Variants in TOX observed in about 807,000 individuals in gnomAD.
TOX encodes the protein thymocyte selection-associated high mobility group box protein TOX.
Under a neutral mutation model 53.7 loss-of-function variants are expected in TOX, and 11 were observed. The ratio of observed to expected loss-of-function variants is 0.20; its 90% confidence interval spans 0.13 to 0.34. The LOEUF (loss-of-function observed/expected upper bound fraction) is 0.34. Ranked by LOEUF, TOX falls within the 10% of genes least tolerant of loss-of-function variation. The pLI, the probability that TOX is intolerant of heterozygous loss-of-function variation, is 1.00. For synonymous variants in TOX, 225 were observed against 245.3 expected (o/e 0.92, Z 0.77); for missense variants, 570 against 664.6 (o/e 0.86, Z 1.56).
At chr8:59,009,661 C>G (rs1359586659) in intron 1 of TOX, among the ~76,000 whole-genome samples, 1 of 152,162 alleles carries the variant, frequency 6.6e-6, no homozygotes, top group African/African-American at 2.4e-5. Context: ...CTTGAGCCAC[C>G]ACGCCCGGCC....
Position 58,838,084 on chromosome 8 carries a change from T to C in TOX, c.921A>G (p.Lys307=). 1 of 1,613,714 alleles carries C rather than the reference T, an allele frequency of 6.2e-7. No homozygotes were observed. Among genetic ancestry groups the C allele is most frequent in the Non-Finnish European group, 8.5e-7 (1 of 1,179,672 alleles). The change falls in exon 5 of 9, where the codon AAA becomes AAG. Residue 307 remains lysine, a synonymous_variant. Coordinates refer to ENST00000361421, the MANE Select transcript of TOX (RefSeq NM_014729.3). ...CATTCCACTGGGAATCCCTTACCTG[T>C]TTTTGCTCTTCTCCTAAACCGTCCC... ...SMWDGLGEEQ[K]QVYKKKTEAA... is the part of the protein sequence containing the mutation.
chr8:58,932,758 G>T (rs139793151), intron 3 of TOX, among the ~76,000 whole-genome samples: 5 of 152,126 alleles, frequency 3.3e-5, no homozygotes, highest in African/African-American at 9.6e-5. Context: ...CTCCCTATAG[G>T]CCTGAAGGAA....
intron 1 of TOX, among the ~76,000 whole-genome samples, chr8:58,989,495 G>A (rs1466955863): frequency 1.3e-5 from 2 of 152,094 alleles, no homozygotes; most frequent in Admixed American, 1.3e-4. Context: ...AGTATTTGGT[G>A]TATTTTTTAA....
At chr8:58,874,798 T>C (rs1811257163) in intron 3 of TOX, among the ~76,000 whole-genome samples, 1 of 152,184 alleles carries the variant, frequency 6.6e-6, no homozygotes, top group African/African-American at 2.4e-5. Context: ...AGGCTATATC[T>C]AAACCAGGGT....
At chr8:58,864,349 A>T (rs999554119) in intron 3 of TOX, among the ~76,000 whole-genome samples, 12 of 152,210 alleles carry the variant, frequency 7.9e-5, no homozygotes, top group Non-Finnish European at 1.5e-4. Context: ...TTTCAAGACT[A>T]TATGTCAGAA....
rs11433613 is a variant in TOX at position 59,092,319 on chromosome 8, A to ATTATATATATTATATATTATATATACAT, written c.102+26566_102+26567insATGTATATATAATATATAATATATATAA. ...TATATATATTATATATTATATATAC[A>ATTATATATATTATATATTATATATACAT]TATATATATTATATATTATATATAC... On this transcript the variant is annotated intron_variant, in intron 1 of 8. Transcript: ENST00000361421. 5.9e-4 allele frequency among the ~76,000 whole-genome samples: 52 copies of ATTATATATATTATATATTATATATACAT among 87,798 alleles called. 19 individuals carry two copies. In the African/African-American group the frequency reaches 8.7e-3, roughly 15 times the overall value. 57.6% of individuals were successfully genotyped at this position (87,798 alleles called of 152,430 possible). A position where few individuals can be genotyped will look rare whatever the true frequency, so the allele number is the denominator to read the frequency against.
intron 1 of TOX, chr8:58,991,753 G>A (rs1420758453): frequency 6.6e-6 from 1 of 152,220 alleles, no homozygotes; most frequent in Admixed American, 6.5e-5. Flanking sequence ...ATTTTGCGAA[G>A]GGGTCTTCTC....
At chr8:58,877,438 G>T (rs553470147) in intron 3 of TOX, among the ~76,000 whole-genome samples, 1 of 152,298 alleles carries the variant, frequency 6.6e-6, no homozygotes, top group Non-Finnish European at 1.5e-5. Flanking sequence ...ACAAAATTGT[G>T]CTTCCTCAAT....
At chr8:58,921,024 C>G (rs906607552) in intron 3 of TOX, among the ~76,000 whole-genome samples, 1 of 151,974 alleles carries the variant, frequency 6.6e-6, no homozygotes, top group Non-Finnish European at 1.5e-5. Flanking sequence ...ATTAAGTGTC[C>G]AGTCATTTTT....
intron 5 of TOX, among the ~76,000 whole-genome samples, chr8:58,834,534 A>C (rs575474827): frequency 2.0e-5 from 3 of 152,366 alleles, no homozygotes; most frequent in Admixed American, 6.5e-5. Flanking sequence ...GTATGTTGGC[A>C]CAATGAGTTA....
intron 3 of TOX, among the ~76,000 whole-genome samples, chr8:58,908,568 T>C (rs915297506): frequency 3.9e-5 from 6 of 152,244 alleles, no homozygotes; most frequent in African/African-American, 7.2e-5. Flanking sequence ...GGCTGATTCA[T>C]GAGCAACTTC....
chr8:59,028,185 C>A (rs573492748), intron 1 of TOX, among the ~76,000 whole-genome samples: 6 of 152,198 alleles, frequency 3.9e-5, no homozygotes, highest in African/African-American at 1.4e-4. Context: ...ATTAAAATAG[C>A]AGCATGTGTT....
chr8:59,002,039 A>ATG, intron 1 of TOX, among the ~76,000 whole-genome samples: 1 of 147,310 alleles, frequency 6.8e-6, no homozygotes, highest in East Asian at 2.0e-4. Flanking sequence ...CAACGGCACA[A>ATG]TGTCGACTCA....
chr8:58,874,730 G>A lies in TOX; in HGVS notation c.412-22925C>T, dbSNP rs1811256410. Among the ~76,000 whole-genome samples, 3 of 152,084 alleles carry A rather than the reference G, an allele frequency of 2.0e-5. No homozygotes were observed. In the South Asian group the frequency reaches 6.2e-4, roughly 32 times the overall value. On this transcript the variant is annotated intron_variant, in intron 3 of 8. Transcript: ENST00000361421. Reference sequence around the variant, plus strand: ...TAGGGTGTCTAACACTAAAAGGCGGGGAATTCCCATTATTGCTGACAACTT... The same window carrying A: ...TAGGGTGTCTAACACTAAAAGGCGGAGAATTCCCATTATTGCTGACAACTT...
At chr8:59,010,948 GT>G (rs1813894212) in intron 1 of TOX, among the ~76,000 whole-genome samples, 1 of 152,192 alleles carries the variant, frequency 6.6e-6, no homozygotes, top group Non-Finnish European at 1.5e-5. Flanking sequence ...AGTCATAACA[GT>G]CGGAATAGTA....
chr8:58,994,351 G>C (rs78300448), intron 1 of TOX, among the ~76,000 whole-genome samples: 1 of 151,136 alleles, frequency 6.6e-6, no homozygotes, highest in Non-Finnish European at 1.5e-5. Context: ...AATCAGTAAG[G>C]TCATATATCC....
chr8:59,117,474 A>T lies in TOX; in HGVS notation c.102+1412T>A, dbSNP rs1163427533. 6.6e-6 allele frequency among the ~76,000 whole-genome samples: 1 copy of T among 152,200 alleles called. No homozygotes were observed. Among genetic ancestry groups the T allele is most frequent in the African/African-American group, 2.4e-5 (1 of 41,454 alleles). On this transcript the variant is annotated intron_variant, in intron 1 of 8. Coordinates refer to ENST00000361421, the MANE Select transcript of TOX (RefSeq NM_014729.3). This position sits in a 1 kb window ranked among gnomAD's most constrained non-coding sequence, Gnocchi z 4.6. Reference sequence around the variant, plus strand: ...CCTAAACACCATCGGCACACAGCACAGTCCTTTGAGTGGGTCTCACACTGG... The same window carrying T: ...CCTAAACACCATCGGCACACAGCACTGTCCTTTGAGTGGGTCTCACACTGG...
chr8:58,834,963 GT>G (rs1585851025), intron 5 of TOX, among the ~76,000 whole-genome samples: 1 of 152,146 alleles, frequency 6.6e-6, no homozygotes, highest in East Asian at 1.9e-4. Context: ...GACCAAAACT[GT>G]TTTAGTCATC....
At chr8:58,969,034 T>C (rs956612616) in intron 1 of TOX, among the ~76,000 whole-genome samples, 1 of 152,210 alleles carries the variant, frequency 6.6e-6, no homozygotes, top group African/African-American at 2.4e-5. Flanking sequence ...AAGATGGAGA[T>C]TCTCACTTCC....
Sources: allele counts gnomAD v4.1 joint callset (sites outside exome capture counted in the v4.1 genomes callset), GRCh38; gene constraint gnomAD v4.1.1; non-coding constraint Gnocchi (gnomAD v3.1); transcripts MANE v1.5; gene names NCBI Gene and HGNC (gene_info 2026-07-23, HGNC 2026-07-21).